DLG2: variants seen among roughly 807,000 people sequenced by gnomAD.
The protein encoded by DLG2 is discs large MAGUK scaffold protein 2.
Under a neutral mutation model 132.5 loss-of-function variants are expected in DLG2, and 45 were observed. The ratio of observed to expected loss-of-function variants is 0.34; its 90% CI spans 0.27 to 0.44. DLG2 has a LOEUF of 0.44. Ranked by LOEUF, DLG2 falls within the 20% of genes least tolerant of loss-of-function variation. The pLI is 1.00. For synonymous variants in DLG2, 424 were observed against 419.6 expected, an observed-to-expected ratio of 1.01 and a Z score of -0.13; for missense variants, 1,045 against 1,196.9, an observed-to-expected ratio of 0.87 and a Z score of 1.87.
At chr11:84,563,924 T>A (rs1012489304) in intron 6 of DLG2, among the ~76,000 whole-genome samples, 1 of 152,202 alleles carries the variant, frequency 6.6e-6, no homozygotes. Context: ...AAGGTCATGT[T>A]CATCGTGAAA....
chr11:84,821,627 T>TA (rs770947930), intron 6 of DLG2, among the ~76,000 whole-genome samples: 1,101 of 70,818 alleles, frequency 0.016, 18 homozygotes, highest in South Asian at 0.071. Context: ...TCATACAATG[T>TA]AAAAAAAAAA....
intron 19 of DLG2, among the ~76,000 whole-genome samples, chr11:83,624,557 C>T (rs2062169797): frequency 6.6e-6 from 1 of 152,134 alleles, no homozygotes; most frequent in African/African-American, 2.4e-5. Context: ...TTAAAGAAGG[C>T]ACCAGTTTAG....
At chr11:85,451,682 G>C (rs1037115473) in intron 3 of DLG2, among the ~76,000 whole-genome samples, 5 of 152,038 alleles carry the variant, frequency 3.3e-5, no homozygotes, top group Non-Finnish European at 7.4e-5. Context: ...TTTGTATATA[G>C]TACCTAGCAC....
At chr11:84,711,379 AGATCGATC>A (rs758980087) in intron 6 of DLG2, among the ~76,000 whole-genome samples, 2 of 63,044 alleles carry the variant, frequency 3.2e-5, no homozygotes, top group African/African-American at 4.4e-4. Flanking sequence ...AGAGAGAGAG[AGATCGATC>A]GATCTAGCTA....
intron 11 of DLG2, among the ~76,000 whole-genome samples, chr11:84,008,531 C>A (rs1407009197): frequency 6.6e-6 from 1 of 151,780 alleles, no homozygotes; most frequent in Non-Finnish European, 1.5e-5. Flanking sequence ...CAGAACATTC[C>A]TCCCTTTCCA....
intron 4 of DLG2, among the ~76,000 whole-genome samples, chr11:85,222,846 T>C (rs1407960514): frequency 6.6e-6 from 1 of 152,214 alleles, no homozygotes; most frequent in Non-Finnish European, 1.5e-5. Flanking sequence ...GTGTCCCAGT[T>C]GTCAGCTAAC....
chr11:85,402,652 A>T (rs927391083), intron 3 of DLG2, among the ~76,000 whole-genome samples: 3 of 152,184 alleles, frequency 2.0e-5, no homozygotes, highest in Admixed American at 1.3e-4. Context: ...CAAGAAAAAA[A>T]CAAACAACCC....
intron 14 of DLG2, among the ~76,000 whole-genome samples, chr11:83,938,569 C>T (rs790369): frequency 0.39 from 59,566 of 152,006 alleles, 13,475 homozygotes; most frequent in African/African-American, 0.62. Context: ...TTATGGAAGA[C>T]AGTGTTCTTC....
At chr11:85,334,558 TG>T (rs1214130975) in intron 3 of DLG2, among the ~76,000 whole-genome samples, 1 of 152,210 alleles carries the variant, frequency 6.6e-6, no homozygotes, top group Non-Finnish European at 1.5e-5. Flanking sequence ...CTTGTTAACA[TG>T]GGCTTTTAGC....
chr11:85,527,056 G>A (rs1030842028), intron 3 of DLG2, among the ~76,000 whole-genome samples: 1 of 152,082 alleles, frequency 6.6e-6, no homozygotes, highest in African/African-American at 2.4e-5. Flanking sequence ...TTTAAAATGG[G>A]CAAGAGTCTT....
intron 3 of DLG2, among the ~76,000 whole-genome samples, chr11:85,547,243 T>G (rs1166574051): frequency 6.6e-6 from 1 of 152,204 alleles, no homozygotes; most frequent in Non-Finnish European, 1.5e-5. Context: ...TATTTCTCCT[T>G]CACTTATGAA....
intron 6 of DLG2, among the ~76,000 whole-genome samples, chr11:84,835,911 ACTCAAATAAC>A (rs751830876): frequency 8.6e-5 from 13 of 151,698 alleles, no homozygotes; most frequent in Non-Finnish European, 1.6e-4. Context: ...AATAACAGAA[ACTCAAATAAC>A]CTTAAATTTC....
At chr11:85,112,889 A>T (rs919769203) in intron 5 of DLG2, among the ~76,000 whole-genome samples, 2 of 152,002 alleles carry the variant, frequency 1.3e-5, no homozygotes, top group Non-Finnish European at 2.9e-5. Context: ...ATCCAATCTG[A>T]TTTTATCTAA....
Position 83,870,045 on chromosome 11 carries a change from A to G in DLG2, c.1565+4375T>C, listed in dbSNP as rs181264747. Reference sequence around the variant, plus strand: ...TTTTTTAACCTCTGCCTTGCTGCAGACACATCCCTTAAAATTCAATTTGTG... The same window carrying G: ...TTTTTTAACCTCTGCCTTGCTGCAGGCACATCCCTTAAAATTCAATTTGTG... On this transcript the variant is annotated intron_variant, in intron 16 of 27. Coordinates refer to ENST00000376104, the MANE Select transcript of DLG2 (RefSeq NM_001142699.3). Among the ~76,000 whole-genome samples, 32 of 152,296 alleles carry G rather than the reference A, an allele frequency of 2.1e-4. No homozygotes were observed. The East Asian group carries it at 6.0e-3, about 28-fold the overall frequency.
intron 4 of DLG2, among the ~76,000 whole-genome samples, chr11:85,243,268 G>T (rs1232023800): frequency 6.6e-6 from 1 of 151,884 alleles, no homozygotes; most frequent in Non-Finnish European, 1.5e-5. Context: ...ATTAGGAGCA[G>T]GATTCAAAAA....
intron 18 of DLG2, among the ~76,000 whole-genome samples, chr11:83,673,360 C>A (rs767681665): frequency 7.2e-5 from 11 of 152,140 alleles, no homozygotes; most frequent in Non-Finnish European, 1.5e-4. Context: ...ATTGCTTTTT[C>A]TAACGTCCTA....
At chr11:84,822,944 G>A (rs1327322390) in intron 6 of DLG2, among the ~76,000 whole-genome samples, 2 of 151,918 alleles carry the variant, frequency 1.3e-5, no homozygotes, top group Non-Finnish European at 2.9e-5. Flanking sequence ...TTTGAAGACA[G>A]ATAATATATT....
intron 19 of DLG2, among the ~76,000 whole-genome samples, chr11:83,558,847 T>TTG (rs2096563250): frequency 1.6e-5 from 2 of 122,540 alleles, no homozygotes; most frequent in Admixed American, 1.6e-4. Flanking sequence ...GTGCTAGATG[T>TTG]CGTGTGTGTG....
chr11:84,892,229 A>G (rs2089510852), intron 6 of DLG2, among the ~76,000 whole-genome samples: 1 of 152,198 alleles, frequency 6.6e-6, no homozygotes, highest in African/African-American at 2.4e-5. Context: ...ATAGTGACAA[A>G]TGGCCAGATA....
Sources: gnomAD v4.1 joint callset for allele counts (sites outside exome capture counted in the v4.1 genomes callset) on GRCh38, gnomAD v4.1.1 for gene constraint, MANE v1.5 for transcripts, NCBI Gene and HGNC (gene_info 2026-07-23, HGNC 2026-07-21) for gene names.